Variants in SLC16A6 observed in about 807,000 individuals in gnomAD.
SLC16A6 encodes the protein solute carrier family 16 member 6.
Under a neutral mutation model 33.8 loss-of-function variants are expected in SLC16A6, and 15 were observed. The ratio of observed to expected loss-of-function variants is 0.44; its 90% CI spans 0.30 to 0.68. The LOEUF (loss-of-function observed/expected upper bound fraction) is 0.68, where lower values mean the gene tolerates loss of function less well. Ranked by LOEUF, SLC16A6 falls within the 30% of genes least tolerant of loss-of-function variation. SLC16A6 has a pLI of 0.10. For missense variants in SLC16A6, 451 were observed against 661.5 expected (o/e 0.68, Z 3.49); for synonymous variants, 219 against 248.4 (o/e 0.88, Z 1.11).
At chr17:68,280,468 A>G (rs1342268502) in intron 1 of SLC16A6, among the ~76,000 whole-genome samples, 2 of 152,170 alleles carry the variant, frequency 1.3e-5, no homozygotes, top group African/African-American at 4.8e-5. Context: ...CAGAAGAGAG[A>G]ACCCTGAAAT....
chr17:68,275,748 G>A (rs974582160), intron 2 of SLC16A6, among the ~76,000 whole-genome samples: 5 of 152,038 alleles, frequency 3.3e-5, no homozygotes, highest in African/African-American at 1.2e-4. Flanking sequence ...TTGGGAGGCC[G>A]AAGCAGGTGG....
At chr17:68,269,679 T>TTTTTTTTTG (rs1171204157) in intron 5 of SLC16A6, among the ~76,000 whole-genome samples, 2 of 144,778 alleles carry the variant, frequency 1.4e-5, no homozygotes, top group Admixed American at 7.0e-5. Context: ...TTAGGTTTTT[T>TTTTTTTTTG]TTTTTTTTTT....
At position 68,269,002 on chromosome 17, in the gene SLC16A6, T is replaced by C; in HGVS notation, c.*94A>G. The C allele has an allele frequency of 1.3e-6, 2 of 1,561,452 alleles. No individual in the cohort carries two copies. The highest frequency in any genetic ancestry group is 1.7e-6 in the Non-Finnish European group (2 of 1,154,914). On this transcript the variant is annotated 3_prime_UTR_variant, in exon 6 of 6. Transcript: ENST00000580666. ...TTAAAATGTAGTTTTGAAAGTGGAG[T>C]AGAGGGGTTAGCTCCTCTGCCTCCT...
chr17:68,286,852 C>G (rs2075853377), intron 1 of SLC16A6, among the ~76,000 whole-genome samples: 2 of 152,154 alleles, frequency 1.3e-5, no homozygotes, highest in Admixed American at 1.3e-4. Flanking sequence ...TTAAGCGAAG[C>G]CTGGTGGCCC....
At position 68,278,207 on chromosome 17, in the gene SLC16A6, G is replaced by T. The variant is rs782176622; in HGVS notation, c.114C>A (p.Thr38=). The part of the protein sequence containing the change: ...AVSFFFVEVF[T]YGIIKTFGVF... The stretch of plus-strand genomic sequence containing the variant: ...CACCAAATGTCTTGATGATGCCGTA[G>T]GTGAAGACTTCAACGAAGAAAAATG... Residue 38 remains threonine, a synonymous_variant, in exon 2 of 6, where the codon ACC becomes ACA. Coordinates refer to ENST00000580666, the MANE Select transcript of SLC16A6 (RefSeq NM_004694.5). The T allele has an allele frequency of 1.9e-5, 30 of 1,614,016 alleles. No individual in the cohort carries two copies. Among genetic ancestry groups the T allele is most frequent in the Non-Finnish European group, 8.5e-7 (1 of 1,179,988 alleles).
At chr17:68,282,577 T>C (rs1224879068) in intron 1 of SLC16A6, among the ~76,000 whole-genome samples, 1 of 151,142 alleles carries the variant, frequency 6.6e-6, no homozygotes, top group Non-Finnish European at 1.5e-5. Flanking sequence ...GGCTGGAGGA[T>C]TGCTTGAGCC....
chr17:68,285,819 G>A (rs1555754176), intron 1 of SLC16A6, among the ~76,000 whole-genome samples: 1 of 151,936 alleles, frequency 6.6e-6, no homozygotes, highest in African/African-American at 2.4e-5. Flanking sequence ...GGAATGCAGT[G>A]GCATGATTTC....
rs1555747693 is a variant in SLC16A6 at position 68,269,361 on chromosome 17, G to A, written c.1322-15C>T. On this transcript the variant is annotated splice_polypyrimidine_tract_variant and intron_variant, in intron 5 of 5. Transcript: ENST00000580666. Reference sequence around the variant, plus strand: ...CACCAACAAACCTGGAAGAGAGCATGGCGTCCGTTAACAGCATCCTTCCTA... The same window carrying A: ...CACCAACAAACCTGGAAGAGAGCATAGCGTCCGTTAACAGCATCCTTCCTA... 1 of 1,080,558 alleles carries A rather than the reference G, an allele frequency of 9.3e-7. No individual in the cohort carries two copies. 66.9% of individuals were successfully genotyped at this position (1,080,558 alleles called of 1,614,324 possible).
chr17:68,281,436 A>G (rs546722146), intron 1 of SLC16A6, among the ~76,000 whole-genome samples: 63 of 151,704 alleles, frequency 4.2e-4, no homozygotes, highest in African/African-American at 1.4e-3. Flanking sequence ...GCGTGGTGGC[A>G]TGCACCTCTA....
chr17:68,291,304 G>A (rs1383456215), upstream of SLC16A6: 13 of 54,168 alleles, frequency 2.4e-4, no homozygotes, highest in African/African-American at 9.6e-4. Flanking sequence ...CCCTCCCCCC[G>A]CCCCCCACCC....
At chr17:68,281,324 T>C (rs564562414) in intron 1 of SLC16A6, among the ~76,000 whole-genome samples, 12 of 152,040 alleles carry the variant, frequency 7.9e-5, no homozygotes, top group Non-Finnish European at 1.8e-4. Context: ...ATCCCAGCAC[T>C]TTGGGAGCCT....
intron 1 of SLC16A6, among the ~76,000 whole-genome samples, chr17:68,280,010 C>T (rs1381622160): frequency 1.3e-5 from 2 of 151,718 alleles, no homozygotes; most frequent in South Asian, 2.1e-4. Flanking sequence ...GGCAAAACCC[C>T]GTCTCTACTA....
chr17:68,279,571 G>C (rs1404079365), intron 1 of SLC16A6, among the ~76,000 whole-genome samples: 1 of 152,130 alleles, frequency 6.6e-6, no homozygotes, highest in African/African-American at 2.4e-5. Flanking sequence ...ATACAAGCCT[G>C]TAGGGCCCCA....
intron 2 of SLC16A6, among the ~76,000 whole-genome samples, chr17:68,277,722 G>A (rs2075570099): frequency 6.6e-6 from 1 of 152,158 alleles, no homozygotes; most frequent in South Asian, 2.1e-4. Context: ...ACTGTGCCCG[G>A]CCATCAGCAA....
intron 1 of SLC16A6, among the ~76,000 whole-genome samples, chr17:68,280,399 A>C (rs182467158): frequency 6.6e-6 from 1 of 152,246 alleles, no homozygotes; most frequent in Admixed American, 6.6e-5. Context: ...ATATGACAAC[A>C]CAACAGTAAT....
intron 1 of SLC16A6, among the ~76,000 whole-genome samples, chr17:68,285,963 G>A (rs1393127405): frequency 2.6e-5 from 4 of 152,106 alleles, no homozygotes; most frequent in African/African-American, 9.7e-5. Flanking sequence ...GTTTCACCAT[G>A]TTGGCCAGGC....
chr17:68,278,301 T>C lies in SLC16A6; in HGVS notation c.20A>G (p.Lys7Arg), dbSNP rs1555751705. 2 of 1,613,224 alleles carry C rather than the reference T, an allele frequency of 1.2e-6. No individual in the cohort carries two copies. The highest frequency in any genetic ancestry group is 1.7e-6 in the Non-Finnish European group (2 of 1,179,614). MTQNKL[K>R]LCSKANVYTE... ...ATACACATTGGCTTTGGAACAAAGC[T>C]TTAATTTATTTTGGGTCATTCTTAA... Residue 7 changes from lysine (K) to arginine (R), a missense_variant, in exon 2 of 6, where the codon AAG (lysine) becomes AGG (arginine). By Grantham distance (26) the Lys-to-Arg change is conservative (BLOSUM62 2). Transcript: ENST00000580666.
Position 68,273,762 on chromosome 17 carries a change from G to T in SLC16A6, c.376+165C>A, listed in dbSNP as rs562170015. 9.7e-5 allele frequency: 67 copies of T among 690,800 alleles called. 1 individual carries two copies. In the East Asian group the frequency reaches 1.8e-3, roughly 19 times the overall value. The allele number at this position is 690,800 out of a possible 1,614,324, so 42.8% of individuals were successfully genotyped here. On this transcript the variant is annotated intron_variant, in intron 3 of 5. Coordinates refer to ENST00000580666, the MANE Select transcript of SLC16A6 (RefSeq NM_004694.5). Reference sequence around the variant, plus strand: ...TTGAGAACAGATTCCCAGGTCCCCTGAAGTCCATATAGCTCAGTTCAAAAC... The same window carrying T: ...TTGAGAACAGATTCCCAGGTCCCCTTAAGTCCATATAGCTCAGTTCAAAAC...
At chr17:68,276,359 A>G (rs2075520270) in intron 2 of SLC16A6, among the ~76,000 whole-genome samples, 1 of 152,236 alleles carries the variant, frequency 6.6e-6, no homozygotes. Flanking sequence ...GAAGGGCTTT[A>G]ATTTCAGCAA....
Sources: gnomAD v4.1 joint callset for allele counts (sites outside exome capture counted in the v4.1 genomes callset) on GRCh38, gnomAD v4.1.1 for gene constraint, MANE v1.5 for transcripts, NCBI Gene and HGNC (gene_info 2026-07-23, HGNC 2026-07-21) for gene names.